The following KCNIP1 variants were observed in gnomAD, a reference collection of about 807,000 sequenced individuals.
The protein encoded by KCNIP1 is A-type potassium channel modulatory protein KCNIP1.
Under a neutral mutation model 33.0 loss-of-function variants are expected in KCNIP1, and 18 were observed. The observed-to-expected ratio is 0.55, with a 90% CI of 0.38 to 0.81. The LOEUF is 0.81. Ranked by LOEUF, KCNIP1 falls within the 30% of genes least tolerant of loss-of-function variation. The probability of loss-of-function intolerance (pLI) is 0.00; values close to 1 mark genes in which losing one functional copy is unlikely to be tolerated. For missense variants in KCNIP1, 238 were observed against 271.6 expected (o/e 0.88, Z 0.87); for synonymous variants, 93 against 98.3 (o/e 0.95, Z 0.32).
intron 1 of KCNIP1, among the ~76,000 whole-genome samples, chr5:170,494,680 C>T (rs964126401): frequency 1.3e-5 from 2 of 152,204 alleles, no homozygotes; most frequent in African/African-American, 4.8e-5. Flanking sequence ...TCTTCTCTGA[C>T]CCAGTACCAA....
intron 1 of KCNIP1, chr5:170,484,351 G>A (rs531831355): frequency 6.6e-6 from 1 of 152,390 alleles, no homozygotes; most frequent in South Asian, 2.1e-4. Flanking sequence ...CTCTCTCTGT[G>A]ATAATAGACC....
At chr5:170,378,956 G>A in intron 1 of KCNIP1, 1 of 1,614,080 alleles carries the variant, frequency 6.2e-7, no homozygotes, top group African/African-American at 1.3e-5. Context: ...TGTCCACGCT[G>A]CCTGGGATGT....
intron 1 of KCNIP1, among the ~76,000 whole-genome samples, chr5:170,587,421 C>CAAA (rs56358014): frequency 3.1e-4 from 22 of 70,330 alleles, no homozygotes; most frequent in African/African-American, 9.2e-4. Context: ...GACTCTGTCT[C>CAAA]AAAAAAAAAA....
chr5:170,723,808 T>C (rs1166983260), intron 5 of KCNIP1, among the ~76,000 whole-genome samples: 1 of 152,040 alleles, frequency 6.6e-6, no homozygotes, highest in African/African-American at 2.4e-5. Flanking sequence ...TCCAAGGAGG[T>C]GTCGTCATAC....
At chr5:170,709,878 CT>C (rs967012967) in intron 1 of KCNIP1, among the ~76,000 whole-genome samples, 2 of 148,792 alleles carry the variant, frequency 1.3e-5, no homozygotes, top group African/African-American at 4.9e-5. Context: ...CTTTTTTTTT[CT>C]TTTTTTGAGA....
At chr5:170,605,422 A>G (rs967759576) in intron 1 of KCNIP1, among the ~76,000 whole-genome samples, 5 of 152,240 alleles carry the variant, frequency 3.3e-5, no homozygotes, top group African/African-American at 1.2e-4. Context: ...ACTGTGGGAA[A>G]ATACACATAA....
intron 1 of KCNIP1, among the ~76,000 whole-genome samples, chr5:170,441,501 G>A (rs1250697983): frequency 6.6e-6 from 1 of 152,124 alleles, no homozygotes; most frequent in African/African-American, 2.4e-5. Context: ...CCTCTGTGTG[G>A]CAGGCGATCA....
chr5:170,691,103 A>T (rs1561767440), intron 1 of KCNIP1, among the ~76,000 whole-genome samples: 1 of 152,206 alleles, frequency 6.6e-6, no homozygotes, highest in Non-Finnish European at 1.5e-5. Context: ...AGGCTACAGC[A>T]TTTCTCTATG....
intron 1 of KCNIP1, among the ~76,000 whole-genome samples, chr5:170,608,076 G>A (rs370045861): frequency 1.3e-5 from 2 of 152,294 alleles, no homozygotes; most frequent in Non-Finnish European, 2.9e-5. Flanking sequence ...GAAGAAGGTA[G>A]GCACTAGAAC....
intron 1 of KCNIP1, among the ~76,000 whole-genome samples, chr5:170,495,794 G>C (rs1757298816): frequency 6.6e-6 from 1 of 152,222 alleles, no homozygotes; most frequent in Non-Finnish European, 1.5e-5. Flanking sequence ...AGGAGCCCCG[G>C]TTAATATCTC....
At chr5:170,609,149 T>C (rs140038043) in intron 1 of KCNIP1, among the ~76,000 whole-genome samples, 1 of 152,316 alleles carries the variant, frequency 6.6e-6, no homozygotes, top group Non-Finnish European at 1.5e-5. Context: ...GAGAAAACTG[T>C]CTTCCCCAGG....
intron 1 of KCNIP1, among the ~76,000 whole-genome samples, chr5:170,400,413 C>T (rs1754871963): frequency 6.6e-6 from 1 of 152,044 alleles, no homozygotes; most frequent in Admixed American, 6.5e-5. Flanking sequence ...ATGAGAACTC[C>T]CTTACTATCA....
chr5:170,597,295 G>T (rs1365482976), intron 1 of KCNIP1, among the ~76,000 whole-genome samples: 1 of 152,200 alleles, frequency 6.6e-6, no homozygotes, highest in Non-Finnish European at 1.5e-5. Flanking sequence ...CAAATAAAGG[G>T]ACTGACTCTC....
upstream of KCNIP1, among the ~76,000 whole-genome samples, chr5:170,502,045 T>A (rs1757423568): frequency 6.6e-6 from 1 of 152,124 alleles, no homozygotes; most frequent in African/African-American, 2.4e-5. Context: ...TGAGCAGGGG[T>A]TCCCCAGGAG....
intron 1 of KCNIP1, among the ~76,000 whole-genome samples, chr5:170,417,070 G>A (rs548108156): frequency 6.6e-6 from 1 of 152,310 alleles, no homozygotes; most frequent in Non-Finnish European, 1.5e-5. Flanking sequence ...TATTTAGTAT[G>A]TGGAACTCAA....
intron 1 of KCNIP1, among the ~76,000 whole-genome samples, chr5:170,709,079 T>C (rs1021750312): frequency 3.3e-5 from 5 of 152,250 alleles, no homozygotes; most frequent in Non-Finnish European, 7.3e-5. Flanking sequence ...TGGTCACTTT[T>C]GGTAAATATT....
At chr5:170,448,457 T>C (rs1756169364) in intron 1 of KCNIP1, among the ~76,000 whole-genome samples, 1 of 152,246 alleles carries the variant, frequency 6.6e-6, no homozygotes, top group African/African-American at 2.4e-5. Flanking sequence ...ATGGAGGCCC[T>C]GGGGGCTTGG....
At chr5:170,381,882 C>A (rs1170765852) in intron 1 of KCNIP1, among the ~76,000 whole-genome samples, 1 of 152,218 alleles carries the variant, frequency 6.6e-6, no homozygotes, top group Non-Finnish European at 1.5e-5. Context: ...TGGGTAGGAG[C>A]TGCCTCCAGT....
chr5:170,576,709 A>G (rs1757617112), intron 1 of KCNIP1, among the ~76,000 whole-genome samples: 1 of 152,186 alleles, frequency 6.6e-6, no homozygotes, highest in Non-Finnish European at 1.5e-5. Context: ...AAGATAATAC[A>G]TTTTAAAAAT....
Sources: gnomAD v4.1 joint callset for allele counts (sites outside exome capture counted in the v4.1 genomes callset) on GRCh38, gnomAD v4.1.1 for gene constraint, MANE v1.5 for transcripts, NCBI Gene and HGNC (gene_info 2026-07-23, HGNC 2026-07-21) for gene names.